The following ZSWIM2 variants were observed in gnomAD, a reference collection of about 807,000 sequenced individuals.
ZSWIM2 encodes the protein E3 ubiquitin-protein ligase ZSWIM2.
ZSWIM2 carries 38 observed loss-of-function variants against 48.4 expected under a neutral mutation model. The ratio of observed to expected loss-of-function variants is 0.79; its 90% CI spans 0.61 to 1.03. ZSWIM2 has a LOEUF of 1.03. Ranked by LOEUF, ZSWIM2 falls within the 50% of genes least tolerant of loss-of-function variation. The pLI is 0.00. For missense variants in ZSWIM2, 776 were observed against 730.2 expected (o/e 1.06, Z -0.72); for synonymous variants, 240 against 251.3 (o/e 0.96, Z 0.42).
intron 7 of ZSWIM2, 37 bp from the exon 8 acceptor site, chr2:186,829,917 G>A (rs1444549460): frequency 6.2e-7 from 1 of 1,608,784 alleles, no homozygotes; most frequent in African/African-American, 1.3e-5. Flanking sequence ...GTGTTTACAT[G>A]TTATTATAGA....
chr2:186,846,808 CACAT>C (rs1389187104), intron 2 of ZSWIM2, among the ~76,000 whole-genome samples: 32 of 50,282 alleles, frequency 6.4e-4, no homozygotes, highest in Middle Eastern at 0.015. Flanking sequence ...CACACACACA[CACAT>C]ATATATATAT....
intron 3 of ZSWIM2, among the ~76,000 whole-genome samples, chr2:186,840,795 A>G (rs1691889957): frequency 6.6e-6 from 1 of 151,556 alleles, no homozygotes; most frequent in Non-Finnish European, 1.5e-5. Flanking sequence ...AGATGATCCA[A>G]TTTAATAACA....
intron 1 of ZSWIM2, 63 bp downstream of exon 1, chr2:186,848,903 C>CT: frequency 6.3e-7 from 1 of 1,599,554 alleles, no homozygotes; most frequent in Non-Finnish European, 8.5e-7. Flanking sequence ...ATTGGGTATG[C>CT]CAGTGGGGGA....
At position 186,833,176 on chromosome 2, in the gene ZSWIM2, G is replaced by A. The variant is rs1691734382; in HGVS notation, c.885C>T (p.Tyr295=). The A allele has an allele frequency of 2.6e-6, 4 of 1,538,638 alleles. No individual in the cohort carries two copies. Among genetic ancestry groups the A allele is most frequent in the African/African-American group, 1.4e-5 (1 of 70,002 alleles). Residue 295 remains tyrosine (Y), a synonymous_variant, in exon 7 of 9, where the codon TAC becomes TAT. Transcript: ENST00000295131. ...LEKRADEVVK[Y]IDTKNEIEEK... is the part of the protein sequence containing the mutation. ...CTTCAATCTCATTTTTAGTATCTAT[G>A]TATTTTACAACTTCATCTGCTCTTT...
At chr2:186,832,578 A>G (rs1397123447) in intron 7 of ZSWIM2, among the ~76,000 whole-genome samples, 5 of 152,138 alleles carry the variant, frequency 3.3e-5, no homozygotes, top group South Asian at 4.1e-4. Context: ...ATGAAGCAAA[A>G]AAGACTTTCT....
intron 7 of ZSWIM2, 139 bp from the exon 8 acceptor site, chr2:186,830,019 A>C: frequency 1.4e-5 from 11 of 788,602 alleles, no homozygotes; most frequent in South Asian, 1.9e-5. Context: ...AATAAATCTC[A>C]TATATTATAA....
intron 3 of ZSWIM2, among the ~76,000 whole-genome samples, chr2:186,843,484 G>C (rs1318161321): frequency 2.6e-5 from 4 of 151,534 alleles, no homozygotes; most frequent in Non-Finnish European, 4.4e-5. Context: ...GTAAGAATGA[G>C]TATGGAGAAA....
At chr2:186,847,694 G>A (rs1431377621) in intron 2 of ZSWIM2, 25 bp downstream of exon 2, 11 of 1,538,644 alleles carry the variant, frequency 7.1e-6, no homozygotes, top group Non-Finnish European at 9.8e-6. Flanking sequence ...CTTCATGGAA[G>A]ATCTTCATTT....
At chr2:186,841,498 G>A (rs887426663) in intron 3 of ZSWIM2, among the ~76,000 whole-genome samples, 3 of 151,116 alleles carry the variant, frequency 2.0e-5, no homozygotes, top group Non-Finnish European at 4.5e-5. Context: ...TACATGGGGG[G>A]GAGACATAAA....
chr2:186,836,328 T>C (rs903583288), intron 5 of ZSWIM2, among the ~76,000 whole-genome samples: 1 of 152,114 alleles, frequency 6.6e-6, no homozygotes, highest in Non-Finnish European at 1.5e-5. Flanking sequence ...ATATCCCTTA[T>C]TAAAAATTTA....
At position 186,828,608 on chromosome 2, in the gene ZSWIM2, A is replaced by G. The variant is rs1456914418; in HGVS notation, c.1278T>C (p.Ile426=). 1 of 1,612,936 alleles carries G rather than the reference A, an allele frequency of 6.2e-7. No homozygotes were observed. Reference sequence around the variant, plus strand: ...GTTTTAAGACTAATCCAGTACCAGGAATAAAAAGATCTGGTTCTTTCTGCT... The same window carrying G: ...GTTTTAAGACTAATCCAGTACCAGGGATAAAAAGATCTGGTTCTTTCTGCT... ...LSKQKEPDLF[I]PGTGLVLKQN... The change falls in exon 9 of 9, where the codon ATT becomes ATC. Residue 426 remains isoleucine (I), a synonymous_variant. Transcript: ENST00000295131.
rs1691853981 is a variant in ZSWIM2, at chr2:186,839,008, TA to T, written c.444del (p.Ile149PhefsTer7). On this transcript the variant is annotated frameshift_variant, in exon 4 of 9. Transcript: ENST00000295131. LOFTEE classifies it high-confidence loss of function. ...TTCTCTAAAAGTAGCTCTTGACAAA[TA>T]GAGCAGATATCCTCTGAATCAATTT... ...QKEIDSEDICSICQELLLEKK... is the reference protein window; with the variant it reads ...QKEIDSEDICXICQELLLEKK... 6.2e-7 allele frequency: 1 copy of T among 1,611,130 alleles called. No individual in the cohort carries two copies. The highest frequency in any genetic ancestry group is 2.2e-5 in the East Asian group (1 of 44,770).
At chr2:186,834,060 G>GA (rs139317820) in intron 5 of ZSWIM2, 30 bp from the exon 6 acceptor site, 1,673 of 1,478,952 alleles carry the variant, frequency 1.1e-3, no homozygotes, top group Non-Finnish European at 1.3e-3. Flanking sequence ...AAACACGCAA[G>GA]AAAAAAAAAT....
chr2:186,837,249 T>G (rs1366159432), intron 5 of ZSWIM2, 57 bp downstream of exon 5: 1 of 1,585,964 alleles, frequency 6.3e-7, no homozygotes, highest in Non-Finnish European at 8.6e-7. Flanking sequence ...GCTCAAAGTT[T>G]CCTGATGTAA....
intron 3 of ZSWIM2, among the ~76,000 whole-genome samples, chr2:186,841,515 A>C (rs1234491619): frequency 6.6e-6 from 1 of 151,366 alleles, no homozygotes; most frequent in Non-Finnish European, 1.5e-5. Context: ...TAAAAATATT[A>C]ACACTTCTAC....
At chr2:186,844,518 A>T (rs1691960694) in intron 3 of ZSWIM2, among the ~76,000 whole-genome samples, 199 bp downstream of exon 3, 1 of 151,596 alleles carries the variant, frequency 6.6e-6, no homozygotes, top group African/African-American at 2.4e-5. Context: ...TGAAAATGAC[A>T]TATAAAGTTA....
chr2:186,848,861 T>C, intron 1 of ZSWIM2, 105 bp downstream of exon 1: 3 of 1,459,406 alleles, frequency 2.1e-6, no homozygotes, highest in East Asian at 2.3e-5. Context: ...AGGCAGCAAG[T>C]ATCCGCAGAG....
rs199505226 is a variant in ZSWIM2 at position 186,844,678 on chromosome 2, TA to T, written c.283+38del. 871 of 1,348,566 alleles carry T rather than the reference TA, an allele frequency of 6.5e-4. 1 individual carries two copies. Among genetic ancestry groups the T allele is most frequent in the African/African-American group, 1.2e-3 (70 of 60,096 alleles). The allele number at this position is 1,348,566 out of a possible 1,614,324, so 83.5% of individuals were successfully genotyped here. Reference sequence around the variant, plus strand: ...ATTTGTTAACTTCAAAGTAGTAAAATAAAAAAAAAACACAAAAAACCCAAAC... The same window carrying T: ...ATTTGTTAACTTCAAAGTAGTAAAATAAAAAAAAACACAAAAAACCCAAAC... On this transcript the variant is annotated intron_variant, in intron 3 of 8. Coordinates refer to ENST00000295131, the MANE Select transcript of ZSWIM2 (RefSeq NM_182521.3).
At chr2:186,829,537 T>C (rs550066173) in intron 8 of ZSWIM2, among the ~76,000 whole-genome samples, 190 bp downstream of exon 8, 18 of 152,274 alleles carry the variant, frequency 1.2e-4, no homozygotes, top group African/African-American at 4.3e-4. Flanking sequence ...CTAATTAATA[T>C]AAAGACATCC....
Sources: allele counts gnomAD v4.1 joint callset (sites outside exome capture counted in the v4.1 genomes callset), GRCh38; gene constraint gnomAD v4.1.1; transcripts MANE v1.5; gene names NCBI Gene and HGNC (gene_info 2026-07-23, HGNC 2026-07-21).